The following ZNF804A variants were observed in gnomAD, a reference collection of about 807,000 sequenced individuals.
ZNF804A encodes zinc finger protein 804A.
In ZNF804A, 2 loss-of-function variants were observed where a neutral mutation model predicts 16.5. That is an observed-to-expected ratio of 0.12 (90% CI 0.05 to 0.38). The LOEUF is 0.38. Among genes scored for constraint, ZNF804A ranks in the 10% least tolerant of loss-of-function variants. ZNF804A has a pLI of 0.99. For missense variants in ZNF804A, 1,473 were observed against 1,390.7 expected (o/e 1.06, Z -0.94); for synonymous variants, 534 against 489.6 (o/e 1.09, Z -1.20).
At chr2:184,858,933 A>G (rs1695748047) in intron 1 of ZNF804A, among the ~76,000 whole-genome samples, 1 of 152,182 alleles carries the variant, frequency 6.6e-6, no homozygotes, top group Non-Finnish European at 1.5e-5. Flanking sequence ...TGGGCACAAT[A>G]TTCTTAGCTG....
At chr2:184,636,437 G>GTA in intron 1 of ZNF804A, among the ~76,000 whole-genome samples, 2 of 134,166 alleles carry the variant, frequency 1.5e-5, no homozygotes, top group Non-Finnish European at 3.3e-5. Flanking sequence ...GTGTGTGTGT[G>GTA]TGTGTGTGTG....
chr2:184,897,834 G>T (rs1291855641), intron 2 of ZNF804A, among the ~76,000 whole-genome samples: 1 of 151,826 alleles, frequency 6.6e-6, no homozygotes, highest in Non-Finnish European at 1.5e-5. Flanking sequence ...GTTTTTAGAA[G>T]TTCCTTTCTT....
chr2:184,842,437 CA>C (rs1276078226), intron 1 of ZNF804A, among the ~76,000 whole-genome samples: 2 of 151,932 alleles, frequency 1.3e-5, no homozygotes, highest in African/African-American at 4.8e-5. Context: ...TAAAAATTCA[CA>C]AAGCTAGAAG....
chr2:184,909,323 A>C, intron 2 of ZNF804A, among the ~76,000 whole-genome samples: 1 of 152,202 alleles, frequency 6.6e-6, no homozygotes, highest in Middle Eastern at 3.4e-3. Context: ...TAAATAGGCA[A>C]AATTACATGC....
chr2:184,681,341 A>T (rs1692535715), intron 1 of ZNF804A, among the ~76,000 whole-genome samples: 1 of 152,232 alleles, frequency 6.6e-6, no homozygotes, highest in South Asian at 2.1e-4. Context: ...AAAGATTCTT[A>T]TGTTACCAAA....
At chr2:184,713,614 C>A (rs1693167223) in intron 1 of ZNF804A, among the ~76,000 whole-genome samples, 1 of 151,858 alleles carries the variant, frequency 6.6e-6, no homozygotes, top group African/African-American at 2.4e-5. Flanking sequence ...ATGTACAGAA[C>A]AATATCTAAT....
intron 2 of ZNF804A, among the ~76,000 whole-genome samples, chr2:184,888,128 A>C (rs1020791207): frequency 7.2e-5 from 11 of 152,174 alleles, no homozygotes; most frequent in African/African-American, 2.7e-4. Context: ...CTAAAATAAA[A>C]ATTTTTAATG....
chr2:184,762,145 T>C lies in ZNF804A; in HGVS notation c.112-104224T>C, dbSNP rs1340170943. ...ATTTTCTCTGTCTGCTTTCTTACTATTTAAATTCTGATTTCTCTGTTTTGG... is the reference window on the plus strand; with the variant it reads ...ATTTTCTCTGTCTGCTTTCTTACTACTTAAATTCTGATTTCTCTGTTTTGG... On this transcript the variant is annotated intron_variant, in intron 1 of 3. Coordinates refer to ENST00000302277, the MANE Select transcript of ZNF804A (RefSeq NM_194250.2). 2.0e-5 allele frequency among the ~76,000 whole-genome samples: 3 copies of C among 152,016 alleles called. No individual in the cohort carries two copies. In the East Asian group the frequency reaches 5.8e-4, roughly 29 times the overall value.
intron 1 of ZNF804A, among the ~76,000 whole-genome samples, chr2:184,791,382 T>C (rs767030130): frequency 6.6e-6 from 1 of 152,182 alleles, no homozygotes; most frequent in Non-Finnish European, 1.5e-5. Flanking sequence ...TGAATGCTTG[T>C]TTGGGAAAAG....
chr2:184,640,715 A>T (rs905589676), intron 1 of ZNF804A, among the ~76,000 whole-genome samples: 3 of 152,198 alleles, frequency 2.0e-5, no homozygotes, highest in Non-Finnish European at 4.4e-5. Flanking sequence ...TCATTATATT[A>T]GAATAAAAGA....
intron 1 of ZNF804A, among the ~76,000 whole-genome samples, chr2:184,778,466 G>A (rs931163248): frequency 4.0e-5 from 6 of 151,530 alleles, no homozygotes; most frequent in East Asian, 2.0e-4. Flanking sequence ...AAATAAAACC[G>A]GACAAGAGGA....
At chr2:184,924,181 T>C (rs1231724840) in intron 2 of ZNF804A, among the ~76,000 whole-genome samples, 1 of 151,900 alleles carries the variant, frequency 6.6e-6, no homozygotes, top group African/African-American at 2.4e-5. Context: ...TTCAATTCAG[T>C]AGTAAAGTCA....
chr2:184,648,010 G>C (rs1691911547), intron 1 of ZNF804A, among the ~76,000 whole-genome samples: 1 of 152,082 alleles, frequency 6.6e-6, no homozygotes, highest in Non-Finnish European at 1.5e-5. Flanking sequence ...TGTACAAAGG[G>C]AACTCCATCA....
chr2:184,652,284 T>C lies in ZNF804A; in HGVS notation c.111+53214T>C, dbSNP rs550315938. Among the ~76,000 whole-genome samples the C allele has an allele frequency of 7.1e-4, 108 of 151,940 alleles. 1 individual carries two copies. Among genetic ancestry groups the C allele is most frequent in the Admixed American group, 1.8e-3 (28 of 15,252 alleles). On this transcript the variant is annotated intron_variant, in intron 1 of 3. Transcript: ENST00000302277. ...GGCAACAATAGAAACCAGGAACCAC[T>C]AGAGGGGAAGAAAGGAAGGGAATGA...
intron 1 of ZNF804A, among the ~76,000 whole-genome samples, chr2:184,807,684 A>G (rs1694829963): frequency 6.6e-6 from 1 of 151,848 alleles, no homozygotes; most frequent in Admixed American, 6.6e-5. Flanking sequence ...AGTCCCATAG[A>G]GTCTTTTTTT....
intron 1 of ZNF804A, among the ~76,000 whole-genome samples, chr2:184,785,111 G>A (rs536125972): frequency 8.2e-4 from 125 of 152,038 alleles, no homozygotes; most frequent in African/African-American, 3.0e-3. Flanking sequence ...TCCCTGCAAG[G>A]TTGCTATCTT....
At chr2:184,635,495 G>C (rs760369019) in intron 1 of ZNF804A, among the ~76,000 whole-genome samples, 20 of 152,120 alleles carry the variant, frequency 1.3e-4, no homozygotes, top group African/African-American at 4.8e-4. Context: ...TATTTATATG[G>C]CAAAAGTATT....
intron 1 of ZNF804A, among the ~76,000 whole-genome samples, chr2:184,689,154 A>G (rs1306783806): frequency 6.6e-6 from 1 of 152,102 alleles, no homozygotes; most frequent in Non-Finnish European, 1.5e-5. Flanking sequence ...GTTAGTTTAC[A>G]TTGTTCATTC....
intron 2 of ZNF804A, among the ~76,000 whole-genome samples, chr2:184,888,826 A>C (rs1684938011): frequency 6.6e-6 from 1 of 152,172 alleles, no homozygotes; most frequent in African/African-American, 2.4e-5. Context: ...TGCTTTTCTT[A>C]GTAAATCAAA....
Sources: gnomAD v4.1 joint callset for allele counts (sites outside exome capture counted in the v4.1 genomes callset) on GRCh38, gnomAD v4.1.1 for gene constraint, MANE v1.5 for transcripts, NCBI Gene and HGNC (gene_info 2026-07-23, HGNC 2026-07-21) for gene names.